Variants in SUPT6H observed in about 807,000 individuals in gnomAD.
SUPT6H encodes the protein transcription elongation factor SPT6.
SUPT6H carries 11 observed loss-of-function variants against 222.3 expected under a neutral mutation model. The ratio of observed to expected loss-of-function variants is 0.05; its 90% CI spans 0.03 to 0.08. The LOEUF is 0.08. Among genes scored for constraint, SUPT6H ranks in the 10% least tolerant of loss-of-function variants. SUPT6H has a pLI of 1.00. For synonymous variants in SUPT6H, 762 were observed against 801.2 expected (o/e 0.95, Z 0.83); for missense variants, 1,422 against 2,216.0 (o/e 0.64, Z 7.19).
At chr17:28,689,628 G>T in intron 25 of SUPT6H, 67 bp downstream of exon 25, 1 of 1,476,194 alleles carries the variant, frequency 6.8e-7, no homozygotes, top group South Asian at 1.1e-5. Context: ...TAGGAGACTT[G>T]GGCAGTGAGT....
intron 8 of SUPT6H, 111 bp from the exon 9 acceptor site, chr17:28,677,965 A>G (rs1013374386): frequency 3.6e-6 from 5 of 1,372,208 alleles, no homozygotes; most frequent in Admixed American, 1.9e-5. Context: ...TATATGAGAA[A>G]AATTTTTTAG....
chr17:28,701,510 G>T lies in SUPT6H; in HGVS notation c.5066G>T (p.Arg1689Leu). 1 of 1,614,128 alleles carries T rather than the reference G, an allele frequency of 6.2e-7. No individual in the cohort carries two copies. Among genetic ancestry groups the T allele is most frequent in the Non-Finnish European group, 8.5e-7 (1 of 1,180,032 alleles). The change falls in exon 37 of 37, where the codon CGG (arginine) becomes CTG (leucine). Residue 1689 changes from arginine (R) to leucine (L), a missense_variant. Arg to Leu is a moderately radical substitution (Grantham distance 102, BLOSUM62 -2). Around this residue, in one of 13 missense-constraint regions of SUPT6H, gnomAD observed 395 missense variants for 580.6 expected, o/e 0.68. Transcript: ENST00000314616. ...TGGCTGCAGGAAAAGGAGGCAGAAC[G>T]GCGGAAACAGAAGCAGCGGCTGACA... ...EQWLQEKEAERRKQKQRLTPR... is the reference protein window; with the variant it reads ...EQWLQEKEAELRKQKQRLTPR...
At chr17:28,687,924 C>CT (rs75324284) in intron 23 of SUPT6H, among the ~76,000 whole-genome samples, 167 bp from the exon 24 acceptor site, 237 of 134,214 alleles carry the variant, frequency 1.8e-3, no homozygotes, top group South Asian at 2.4e-3. Context: ...TAAAGCAAAA[C>CT]TTTTTTTTTT....
chr17:28,668,559 A>G (rs2030228912), intron 1 of SUPT6H, among the ~76,000 whole-genome samples: 1 of 152,228 alleles, frequency 6.6e-6, no homozygotes. Flanking sequence ...GAACACAGCT[A>G]TCTTTCCAAG....
At position 28,702,432 on chromosome 17, in the gene SUPT6H, G is replaced by A. The variant is rs1000122604; in HGVS notation, c.*807G>A. On this transcript the variant is annotated 3_prime_UTR_variant, in exon 37 of 37. Transcript: ENST00000314616. Reference sequence around the variant, plus strand: ...TTCCCAGCCGGGTGACCCTGTGCCAGTTCCTGCTGCCTTTCAGCTGGCTTT... The same window carrying A: ...TTCCCAGCCGGGTGACCCTGTGCCAATTCCTGCTGCCTTTCAGCTGGCTTT... 1.3e-5 allele frequency: 2 copies of A among 152,560 alleles called. No homozygotes were observed. Among genetic ancestry groups the A allele is most frequent in the African/African-American group, 4.8e-5 (2 of 41,468 alleles). 9.5% of individuals were successfully genotyped at this position (152,560 alleles called of 1,614,324 possible).
intron 7 of SUPT6H, 90 bp downstream of exon 7, chr17:28,676,520 C>CA (rs2151620697): frequency 1.3e-6 from 2 of 1,581,586 alleles, no homozygotes; most frequent in Non-Finnish European, 1.7e-6. Flanking sequence ...ATTGAGTATC[C>CA]AGCACAGGTT....
intron 1 of SUPT6H, among the ~76,000 whole-genome samples, chr17:28,664,855 C>T (rs2029922950): frequency 6.6e-6 from 1 of 152,190 alleles, no homozygotes; most frequent in Admixed American, 6.5e-5. Context: ...TTGTTCTTCT[C>T]CTTTACTACT....
At position 28,688,009 on chromosome 17, in the gene SUPT6H, A is replaced by T; in HGVS notation, c.3007-82A>T. ...TACTGGGTGGGACAGAGTTTTTGTTATGAGGGTTTAATAGAGACTGGAACA... is the reference window on the plus strand; with the variant it reads ...TACTGGGTGGGACAGAGTTTTTGTTTTGAGGGTTTAATAGAGACTGGAACA... On this transcript the variant is annotated intron_variant, in intron 23 of 36. Transcript: ENST00000314616. The surrounding 1 kb of genome is among the most constrained non-coding windows in gnomAD (Gnocchi z 4.3). 1.4e-6 allele frequency: 2 copies of T among 1,391,468 alleles called. No individual in the cohort carries two copies. Among genetic ancestry groups the T allele is most frequent in the Non-Finnish European group, 9.4e-7 (1 of 1,065,054 alleles). 86.2% of individuals were successfully genotyped at this position (1,391,468 alleles called of 1,614,324 possible). A position where few individuals can be genotyped will look rare whatever the true frequency, so the allele number is the denominator to read the frequency against.
intron 5 of SUPT6H, 56 bp from the exon 6 acceptor site, chr17:28,675,345 T>C: frequency 6.3e-7 from 1 of 1,597,380 alleles, no homozygotes. Flanking sequence ...ACCAAAGCAA[T>C]TTAGTCCTGG....
At position 28,678,885 on chromosome 17, in the gene SUPT6H, A is replaced by G. The variant is rs2030917531; in HGVS notation, c.1271A>G (p.Gln424Arg). The change falls in exon 11 of 37, where the codon CAG becomes CGG. Residue 424 changes from glutamine to arginine, a missense_variant. Physicochemically the swap from Gln to Arg is conservative, Grantham distance 43. This residue lies in a region of SUPT6H where 389 missense variants were observed against 544.6 expected (regional missense o/e 0.71). Transcript: ENST00000314616. Reference protein sequence around the residue: ...TRLFEKMQAYQYEQISADPDK... With the variant: ...TRLFEKMQAYRYEQISADPDK... ...CTGTTTGAGAAGATGCAGGCTTATC[A>G]GTATGAACAGATCTCTGCTGACCCT... 1 of 1,614,254 alleles carries G rather than the reference A, an allele frequency of 6.2e-7. No individual in the cohort carries two copies. The highest frequency in any genetic ancestry group is 8.5e-7 in the Non-Finnish European group (1 of 1,180,048).
In SUPT6H at chr17:28,700,265, C is replaced by T. The variant is rs754870621; in HGVS notation, c.4639+15C>T. 6.2e-7 allele frequency: 1 copy of T among 1,614,248 alleles called. No individual in the cohort carries two copies. The highest frequency in any genetic ancestry group is 8.5e-7 in the Non-Finnish European group (1 of 1,180,042). On this transcript the variant is annotated intron_variant, in intron 34 of 36. Coordinates refer to ENST00000314616, the MANE Select transcript of SUPT6H (RefSeq NM_003170.5). Reference sequence around the variant, plus strand: ...CAACCTTGCAGGTGAGGAGCTTGAGCCTGGGACTGGAGGTGGGAAGGATGG... The same window carrying T: ...CAACCTTGCAGGTGAGGAGCTTGAGTCTGGGACTGGAGGTGGGAAGGATGG...
At chr17:28,684,320 C>T (rs2031273109) in intron 17 of SUPT6H, among the ~76,000 whole-genome samples, 1 of 152,164 alleles carries the variant, frequency 6.6e-6, no homozygotes, top group African/African-American at 2.4e-5. Context: ...ACCTCTAAGA[C>T]CTCTCTGCTC....
chr17:28,674,663 T>C (rs1169112120), intron 4 of SUPT6H, 50 bp downstream of exon 4: 1 of 1,576,384 alleles, frequency 6.3e-7, no homozygotes, highest in African/African-American at 1.3e-5. Context: ...GAAAAAGCCC[T>C]GGAAATTTCA....
At chr17:28,680,702 A>C (rs1157071962) in intron 11 of SUPT6H, among the ~76,000 whole-genome samples, 1 of 152,030 alleles carries the variant, frequency 6.6e-6, no homozygotes, top group East Asian at 1.9e-4. Flanking sequence ...CCCAGGTTGG[A>C]GCGCAGTGGC....
Position 28,674,263 on chromosome 17 carries a change from C to T in SUPT6H, c.110-20C>T. ...AGCCTGTTTTTCAGTCTCCATGCCT[C>T]AAACATGCATGTCTTCCAGATGAGG... On this transcript the variant is annotated intron_variant, in intron 2 of 36. Transcript: ENST00000314616. 6.2e-7 allele frequency: 1 copy of T among 1,613,852 alleles called. No individual in the cohort carries two copies. Among genetic ancestry groups the T allele is most frequent in the Non-Finnish European group, 8.5e-7 (1 of 1,179,938 alleles).
chr17:28,689,141 GT>G, intron 24 of SUPT6H: 1 of 555,300 alleles, frequency 1.8e-6, no homozygotes, highest in Non-Finnish European at 3.2e-6. Context: ...GGTTCATAGT[GT>G]TTTTGCAGTG....
intron 1 of SUPT6H, among the ~76,000 whole-genome samples, chr17:28,663,407 C>T (rs1043640663): frequency 6.6e-5 from 10 of 152,302 alleles, no homozygotes; most frequent in African/African-American, 2.4e-4. Context: ...GTTTTAACTT[C>T]ATCAGGAGAT....
chr17:28,695,447 C>G lies in SUPT6H; in HGVS notation c.3870C>G (p.Asn1290Lys). The G allele has an allele frequency of 6.2e-7, 1 of 1,614,124 alleles. No individual in the cohort carries two copies. Among genetic ancestry groups the G allele is most frequent in the South Asian group, 1.1e-5 (1 of 91,080 alleles). Residue 1290 changes from asparagine to lysine, a missense_variant, in exon 29 of 37, where the codon AAC (asparagine) becomes AAG (lysine). Asn to Lys is a moderately conservative substitution (Grantham distance 94). Transcript: ENST00000314616. ...GCACCTCAGACCTCATGGACAGGAA[C>G]AATGAGTGGAAGCTGCCCAAAGACA... ...TCRTSDLMDRNNEWKLPKDTY... is the reference protein window; with the variant it reads ...TCRTSDLMDRKNEWKLPKDTY...
At chr17:28,685,891 G>A (rs1037642076) in intron 19 of SUPT6H, among the ~76,000 whole-genome samples, 1 of 152,220 alleles carries the variant, frequency 6.6e-6, no homozygotes, top group African/African-American at 2.4e-5. Context: ...ACATGCAGGA[G>A]TGTGAGGCAG....
Sources: gnomAD v4.1 joint callset for allele counts (sites outside exome capture counted in the v4.1 genomes callset) on GRCh38, gnomAD v4.1.1 for gene constraint, gnomAD v4.1.1 regional missense constraint, Gnocchi (gnomAD v3.1) non-coding constraint, MANE v1.5 for transcripts, NCBI Gene and HGNC (gene_info 2026-07-23, HGNC 2026-07-21) for gene names.